CA5A: variants seen among roughly 807,000 people sequenced by gnomAD.
CA5A encodes the protein carbonic anhydrase 5A, also known as carbonic anhydrase 5A, mitochondrial.
Under a neutral mutation model 37.1 loss-of-function variants are expected in CA5A, and 28 were observed. That is an observed-to-expected ratio of 0.75 (90% CI 0.56 to 1.03). CA5A has a LOEUF of 1.03. CA5A is among the 50% of genes least tolerant of loss of function. The pLI, the probability that CA5A is intolerant of heterozygous loss-of-function variation, is 0.00. For synonymous variants in CA5A, 171 were observed against 158.4 expected (o/e 1.08, Z -0.60); for missense variants, 444 against 399.9 (o/e 1.11, Z -0.94).
chr16:87,917,448 C>T (rs1167451352), intron 2 of CA5A, among the ~76,000 whole-genome samples: 4 of 152,200 alleles, frequency 2.6e-5, no homozygotes, highest in African/African-American at 9.7e-5. Flanking sequence ...ATTTTTCAGT[C>T]TTGAGGACCA....
intron 2 of CA5A, among the ~76,000 whole-genome samples, chr16:87,917,482 A>T (rs1405341740): frequency 6.6e-6 from 1 of 152,228 alleles, no homozygotes; most frequent in Non-Finnish European, 1.5e-5. Context: ...ATATCTGTAG[A>T]GAGAGAGGGG....
At chr16:87,924,495 G>A in intron 2 of CA5A, among the ~76,000 whole-genome samples, 1 of 152,222 alleles carries the variant, frequency 6.6e-6, no homozygotes, top group Non-Finnish European at 1.5e-5. Flanking sequence ...TCTCCATGGG[G>A]TGCCTCTCCC....
rs760811712 is a variant in CA5A, at chr16:87,891,827, T to C, written c.746A>G (p.Lys249Arg). 3 of 1,565,024 alleles carry C rather than the reference T, an allele frequency of 1.9e-6. No homozygotes were observed. The highest frequency in any genetic ancestry group is 2.4e-5 in the South Asian group (2 of 84,038). Residue 249 changes from lysine (K) to arginine (R), a missense_variant, in exon 6 of 7, where the codon AAG (lysine) becomes AGG (arginine). Lys to Arg is a conservative substitution (Grantham distance 26). Transcript: ENST00000649794. ...GCTTGGGGCCACTTCAACGGGCTCC[T>C]TCTGGATGATCCAGGTGACCGACTC... is the stretch of plus-strand genomic sequence containing the variant. Reference protein sequence around the residue: ...LTESVTWIIQKEPVEVAPSQL... With the variant: ...LTESVTWIIQREPVEVAPSQL...
chr16:87,934,458 C>G (rs113795604), intron 1 of CA5A, among the ~76,000 whole-genome samples: 8,094 of 152,290 alleles, frequency 0.053, 229 homozygotes, highest in East Asian at 0.068. Flanking sequence ...ATTCCAGCTA[C>G]TCGGGAGGCT....
chr16:87,923,429 C>T (rs943726311), intron 2 of CA5A: 1 of 420,950 alleles, frequency 2.4e-6, no homozygotes, highest in African/African-American at 2.2e-5. Context: ...CTCAGGTGAT[C>T]CACCCACCTC....
chr16:87,907,967 C>G (rs1405968553), intron 2 of CA5A, among the ~76,000 whole-genome samples: 1 of 152,194 alleles, frequency 6.6e-6, no homozygotes, highest in Admixed American at 6.5e-5. Context: ...TTGTTTCCGT[C>G]TGGACCATCA....
At chr16:87,910,033 A>G (rs1960112471) in intron 2 of CA5A, among the ~76,000 whole-genome samples, 1 of 152,196 alleles carries the variant, frequency 6.6e-6, no homozygotes, top group Admixed American at 6.6e-5. Context: ...GTTAAGTCAC[A>G]TGGGAAATAC....
chr16:87,930,296 G>A (rs1158807422), intron 1 of CA5A, among the ~76,000 whole-genome samples: 4 of 152,166 alleles, frequency 2.6e-5, no homozygotes, highest in African/African-American at 4.8e-5. Context: ...GCAGAGGGCC[G>A]GGGGCTGGAG....
chr16:87,936,129 G>A (rs1317948174), intron 1 of CA5A, among the ~76,000 whole-genome samples, 180 bp downstream of exon 1: 3 of 146,710 alleles, frequency 2.0e-5, no homozygotes, highest in Non-Finnish European at 4.4e-5. Context: ...CTGAGATCAC[G>A]CCACTGTACT....
intron 1 of CA5A, 65 bp downstream of exon 1, chr16:87,936,244 C>G: frequency 3.4e-6 from 4 of 1,179,974 alleles, no homozygotes; most frequent in South Asian, 2.5e-5. Flanking sequence ...TCTCTCCTCT[C>G]GAAAGACCCC....
At position 87,912,881 on chromosome 16, in the gene CA5A, C is replaced by T. The variant is rs557888590; in HGVS notation, c.341-7977G>A. 5.3e-5 allele frequency among the ~76,000 whole-genome samples: 8 copies of T among 152,302 alleles called. No homozygotes were observed. In the East Asian group the frequency reaches 1.3e-3, roughly 26 times the overall value. On this transcript the variant is annotated intron_variant, in intron 2 of 6. Coordinates refer to ENST00000649794, the MANE Select transcript of CA5A (RefSeq NM_001739.2). The stretch of plus-strand genomic sequence containing the variant: ...CAACGGAACAGGCGGAAGCACCAGC[C>T]GGCGAAGGCACTGTCAGGGGCAGCA...
intron 2 of CA5A, among the ~76,000 whole-genome samples, chr16:87,916,922 G>T (rs963782263): frequency 2.0e-5 from 3 of 151,932 alleles, no homozygotes; most frequent in African/African-American, 7.3e-5. Flanking sequence ...CTAACACAGT[G>T]AAACCCCGTC....
At chr16:87,910,694 C>T (rs2056037884) in intron 2 of CA5A, among the ~76,000 whole-genome samples, 1 of 152,154 alleles carries the variant, frequency 6.6e-6, no homozygotes, top group South Asian at 2.1e-4. Flanking sequence ...TCTCCTGCCT[C>T]AGCCTCCTGA....
rs1480666008 is a variant in CA5A, at chr16:87,916,704, C to T, written c.340+10044G>A. ...CACCAGAAGGCAAGCTCCATGGGAG[C>T]AGGGGTTTCACTGTCTTGATTGATC... is the stretch of plus-strand genomic sequence containing the variant. On this transcript the variant is annotated intron_variant, in intron 2 of 6. Transcript: ENST00000649794. Among the ~76,000 whole-genome samples the T allele has an allele frequency of 2.0e-5, 3 of 152,212 alleles. No homozygotes were observed. In the East Asian group the frequency reaches 5.8e-4, roughly 29 times the overall value.
chr16:87,896,846 G>T (rs1009351017), intron 5 of CA5A, among the ~76,000 whole-genome samples: 8 of 152,154 alleles, frequency 5.3e-5, no homozygotes, highest in African/African-American at 1.9e-4. Context: ...CTCTATGTTG[G>T]TCAGGCTCGT....
chr16:87,917,580 A>C (rs1328355775), intron 2 of CA5A, among the ~76,000 whole-genome samples: 1 of 152,258 alleles, frequency 6.6e-6, no homozygotes. Context: ...GGAGATGGAA[A>C]CACACGTGTG....
At position 87,892,570 on chromosome 16, in the gene CA5A, TA is replaced by T. The variant is rs979362593; in HGVS notation, c.619-617del. Reference sequence around the variant, plus strand: ...ATAATAATAATAAATTAATTAATAATAAAAATAAAAATAAAGCCATTTCTTT... The same window carrying T: ...ATAATAATAATAAATTAATTAATAATAAAATAAAAATAAAGCCATTTCTTT... On this transcript the variant is annotated intron_variant, in intron 5 of 6. Coordinates refer to ENST00000649794, the MANE Select transcript of CA5A (RefSeq NM_001739.2). 4.1e-5 allele frequency among the ~76,000 whole-genome samples: 6 copies of T among 146,450 alleles called. No homozygotes were observed. The Admixed American group carries it at 4.1e-4, about 10-fold the overall frequency.
chr16:87,926,616 C>T (rs142058555), intron 2 of CA5A, 132 bp downstream of exon 2: 1 of 708,182 alleles, frequency 1.4e-6, no homozygotes, highest in Non-Finnish European at 2.4e-6. Context: ...TCAAGCGAGT[C>T]TCTGTCCCTG....
At chr16:87,897,072 G>T (rs71392320) in intron 5 of CA5A, among the ~76,000 whole-genome samples, 1 of 152,258 alleles carries the variant, frequency 6.6e-6, no homozygotes, top group African/African-American at 2.4e-5. Flanking sequence ...GTGTGGTGGC[G>T]GTAATGGGCT....
Sources: gnomAD v4.1 joint callset for allele counts (sites outside exome capture counted in the v4.1 genomes callset) on GRCh38, gnomAD v4.1.1 for gene constraint, MANE v1.5 for transcripts, NCBI Gene and HGNC (gene_info 2026-07-23, HGNC 2026-07-21) for gene names.